SFXN5: variants seen among roughly 807,000 people sequenced by gnomAD.
The protein encoded by SFXN5 is sideroflexin-5.
In SFXN5, 43 loss-of-function variants were observed where a neutral mutation model predicts 50.2. That is an observed-to-expected ratio of 0.86 (90% CI 0.67 to 1.11). The LOEUF is 1.11. Among genes scored for constraint, SFXN5 ranks in the 50% least tolerant of loss-of-function variants. SFXN5 has a pLI of 0.00. For missense variants in SFXN5, 463 were observed against 454.1 expected (o/e 1.02, Z -0.18); for synonymous variants, 203 against 185.8 (o/e 1.09, Z -0.75).
chr2:72,991,814 C>A (rs1394657859), intron 9 of SFXN5, among the ~76,000 whole-genome samples: 1 of 152,196 alleles, frequency 6.6e-6, no homozygotes, highest in East Asian at 1.9e-4. Flanking sequence ...TGGCACACAG[C>A]TCATCACAAA....
At chr2:73,038,913 G>A (rs1258084521) in intron 3 of SFXN5, among the ~76,000 whole-genome samples, 4 of 152,062 alleles carry the variant, frequency 2.6e-5, no homozygotes, top group Non-Finnish European at 1.5e-5. Context: ...CCAGGCAACA[G>A]GAATTTTTCA....
intron 13 of SFXN5, chr2:72,957,148 TACAC>T: frequency 2.2e-6 from 1 of 448,942 alleles, no homozygotes; most frequent in Non-Finnish European, 4.5e-6. Flanking sequence ...CTCCCCCCCA[TACAC>T]TGAAGGTTCC....
In SFXN5 at chr2:72,973,480, G is replaced by C. The variant is rs1320876063; in HGVS notation, c.626-1795C>G. 1.2e-5 allele frequency: 2 copies of C among 170,184 alleles called. No individual in the cohort carries two copies. Among genetic ancestry groups the C allele is most frequent in the African/African-American group, 4.8e-5 (2 of 41,538 alleles). 10.5% of individuals were successfully genotyped at this position (170,184 alleles called of 1,614,324 possible). Reference sequence around the variant, plus strand: ...TAAACATCTCGCAAGGCACAGGACAGTCCCCCCACCAAAGGATCATCTGGC... The same window carrying C: ...TAAACATCTCGCAAGGCACAGGACACTCCCCCCACCAAAGGATCATCTGGC... On this transcript the variant is annotated intron_variant, in intron 10 of 13. Coordinates refer to ENST00000272433, the MANE Select transcript of SFXN5 (RefSeq NM_144579.3). The surrounding 1 kb of genome is among the most constrained non-coding windows in gnomAD (Gnocchi z 5.5).
intron 9 of SFXN5, 121 bp downstream of exon 9, chr2:72,998,828 C>A (rs1673562089): frequency 7.2e-6 from 8 of 1,110,342 alleles, no homozygotes; most frequent in South Asian, 7.2e-5. Flanking sequence ...CCTCCACCCA[C>A]AGAAACCTGT....
chr2:73,056,382 CA>C (rs35625459), intron 2 of SFXN5, among the ~76,000 whole-genome samples: 12,168 of 141,848 alleles, frequency 0.086, 614 homozygotes, highest in Non-Finnish European at 0.11. Flanking sequence ...GACTCTGTCT[CA>C]AAAAAAAAAA....
chr2:73,006,369 C>G (rs538333780), intron 6 of SFXN5, among the ~76,000 whole-genome samples: 4 of 152,204 alleles, frequency 2.6e-5, no homozygotes, highest in Non-Finnish European at 4.4e-5. Flanking sequence ...CGCCTGCAAT[C>G]CCAGCACTTT....
rs139561424 is a variant in SFXN5 at position 72,971,788 on chromosome 2, G to C, written c.626-103C>G. On this transcript the variant is annotated intron_variant, in intron 10 of 13. Coordinates refer to ENST00000272433, the MANE Select transcript of SFXN5 (RefSeq NM_144579.3). ...TCCTACGCAAGCCTTGGGGTTCTGT[G>C]TTCAAATGCATGGGCAAAGGTTAGG... The C allele has an allele frequency of 1.4e-3, 1,186 of 844,080 alleles. 5 individuals carry two copies. In the African/African-American group the frequency reaches 0.018, roughly 12 times the overall value. The allele number at this position is 844,080 out of a possible 1,614,324, so 52.3% of individuals were successfully genotyped here. A position where few individuals can be genotyped will look rare whatever the true frequency, so the allele number is the denominator to read the frequency against.
intron 3 of SFXN5, among the ~76,000 whole-genome samples, chr2:73,031,532 A>C (rs1678305930): frequency 6.6e-6 from 1 of 152,202 alleles, no homozygotes; most frequent in African/African-American, 2.4e-5. Flanking sequence ...GTACCACTTT[A>C]ACTAATATAA....
chr2:72,972,523 G>A (rs945457538), intron 10 of SFXN5, among the ~76,000 whole-genome samples: 6 of 152,200 alleles, frequency 3.9e-5, no homozygotes, highest in African/African-American at 1.4e-4. Context: ...TGAAGTCTGG[G>A]GCCACCCATT....
intron 1 of SFXN5, among the ~76,000 whole-genome samples, chr2:73,066,513 A>G (rs1683187384): frequency 1.3e-5 from 2 of 151,950 alleles, no homozygotes; most frequent in Non-Finnish European, 2.9e-5. Context: ...AGCTGACATC[A>G]TGCCACTGCA....
chr2:73,061,183 G>C (rs1225790529), intron 1 of SFXN5, among the ~76,000 whole-genome samples: 4 of 151,748 alleles, frequency 2.6e-5, no homozygotes, highest in Admixed American at 6.6e-5. Context: ...AGGTGTGGTA[G>C]TGCAATCCCA....
In SFXN5 at chr2:72,943,854, C is replaced by T. The variant is rs921631817; in HGVS notation, c.*1168G>A. The T allele has an allele frequency of 2.0e-5, 3 of 152,356 alleles. No homozygotes were observed. The highest frequency in any genetic ancestry group is 2.0e-4 in the Admixed American group (3 of 15,278). The allele number at this position is 152,356 out of a possible 1,614,324, so 9.4% of individuals were successfully genotyped here. A position where few individuals can be genotyped will look rare whatever the true frequency, so the allele number is the denominator to read the frequency against. The stretch of plus-strand genomic sequence containing the variant: ...CAAAGACGAGGTCTTGCTGGAGGAG[C>T]CAGTGGGAACCCCTTGATCCAGTCT... On this transcript the variant is annotated 3_prime_UTR_variant, in exon 14 of 14. Transcript: ENST00000272433.
At chr2:72,985,257 G>T (rs762862340) in intron 10 of SFXN5, among the ~76,000 whole-genome samples, 51 of 152,274 alleles carry the variant, frequency 3.3e-4, no homozygotes, top group Non-Finnish European at 5.6e-4. Context: ...TTTAACAGTG[G>T]CCCAGCCAGG....
chr2:73,028,035 C>T (rs1258556004), intron 3 of SFXN5, among the ~76,000 whole-genome samples: 1 of 152,098 alleles, frequency 6.6e-6, no homozygotes, highest in Non-Finnish European at 1.5e-5. Flanking sequence ...ACCATGTGTT[C>T]CAATTGCCTA....
At chr2:73,014,825 T>C (rs1196702716) in intron 6 of SFXN5, among the ~76,000 whole-genome samples, 1 of 152,220 alleles carries the variant, frequency 6.6e-6, no homozygotes, top group African/African-American at 2.4e-5. Flanking sequence ...TTTATAGGCA[T>C]ACAAAATTTT....
chr2:73,024,983 C>T (rs1017276743), intron 3 of SFXN5, among the ~76,000 whole-genome samples: 3 of 152,152 alleles, frequency 2.0e-5, no homozygotes, highest in African/African-American at 7.2e-5. Flanking sequence ...TTCCAACACA[C>T]TTGATTGTCT....
chr2:73,001,712 C>T (rs1339608391), intron 6 of SFXN5, 134 bp from the exon 7 acceptor site: 4 of 847,646 alleles, frequency 4.7e-6, no homozygotes, highest in East Asian at 2.6e-5. Context: ...TACATACAAA[C>T]TGAGGTTCAT....
chr2:73,019,431 C>A (rs199844213), intron 6 of SFXN5: 2 of 123,494 alleles, frequency 1.6e-5, no homozygotes, highest in Admixed American at 1.6e-4. Context: ...TTTTTTTTTT[C>A]TTTTTTTTTT....
chr2:73,002,822 G>C (rs1674082215), intron 6 of SFXN5, among the ~76,000 whole-genome samples: 1 of 151,966 alleles, frequency 6.6e-6, no homozygotes, highest in Non-Finnish European at 1.5e-5. Context: ...TTTCTTTGCA[G>C]TGGCAGCTTA....
Sources: gnomAD v4.1 joint callset for allele counts (sites outside exome capture counted in the v4.1 genomes callset) on GRCh38, gnomAD v4.1.1 for gene constraint, Gnocchi (gnomAD v3.1) non-coding constraint, MANE v1.5 for transcripts, NCBI Gene and HGNC (gene_info 2026-07-23, HGNC 2026-07-21) for gene names.